Variants in PID1 observed in about 807,000 individuals in gnomAD.
PID1 encodes PTB-containing, cubilin and LRP1-interacting protein.
In PID1, 10 loss-of-function variants were observed where a neutral mutation model predicts 19.1. That is an observed-to-expected ratio of 0.52 (90% CI 0.32 to 0.89). The LOEUF (loss-of-function observed/expected upper bound fraction) is 0.89, where lower values mean the gene tolerates loss of function less well. Among genes scored for constraint, PID1 ranks in the 40% least tolerant of loss-of-function variants. The pLI is 0.03. For synonymous variants in PID1, 130 were observed against 116.0 expected (o/e 1.12, Z -0.78); for missense variants, 248 against 285.3 (o/e 0.87, Z 0.94).
chr2:229,148,628 G>A (rs942977162), intron 2 of PID1, among the ~76,000 whole-genome samples: 6 of 152,134 alleles, frequency 3.9e-5, no homozygotes, highest in African/African-American at 1.2e-4. Flanking sequence ...GTACAATCCT[G>A]ACAGTGTGCA....
chr2:229,245,400 T>C (rs1326564694), intron 1 of PID1, among the ~76,000 whole-genome samples: 8 of 152,148 alleles, frequency 5.3e-5, no homozygotes, highest in African/African-American at 1.9e-4. Context: ...AGGCAACTTG[T>C]ATTGCCTTGC....
intron 1 of PID1, among the ~76,000 whole-genome samples, chr2:229,180,876 C>T (rs1690926756): frequency 6.6e-6 from 1 of 152,210 alleles, no homozygotes; most frequent in Non-Finnish European, 1.5e-5. Context: ...GGCGCTCGCC[C>T]ATCTCTCAGG....
chr2:229,223,933 C>T (rs1283174532), intron 1 of PID1, among the ~76,000 whole-genome samples: 1 of 152,184 alleles, frequency 6.6e-6, no homozygotes, highest in Admixed American at 6.5e-5. Context: ...GATCCCCTTC[C>T]TCCCTCCTGG....
At chr2:229,196,641 T>G (rs1049577778) in intron 1 of PID1, among the ~76,000 whole-genome samples, 1 of 152,076 alleles carries the variant, frequency 6.6e-6, no homozygotes, top group African/African-American at 2.4e-5. Context: ...ATATCGCTTA[T>G]GAAACTGCCT....
chr2:229,118,993 A>T (rs1363543300), intron 2 of PID1, among the ~76,000 whole-genome samples: 1 of 152,232 alleles, frequency 6.6e-6, no homozygotes, highest in African/African-American at 2.4e-5. Context: ...TATTCCTCAA[A>T]TTGCCTTCTA....
At position 229,025,600 on chromosome 2, in the gene PID1, A is replaced by T; in HGVS notation, c.*32T>A. 1 of 1,523,370 alleles carries T rather than the reference A, an allele frequency of 6.6e-7. No individual in the cohort carries two copies. The highest frequency in any genetic ancestry group is 9.1e-7 in the Non-Finnish European group (1 of 1,103,364). 94.4% of individuals were successfully genotyped at this position (1,523,370 alleles called of 1,614,324 possible). A position where few individuals can be genotyped will look rare whatever the true frequency, so the allele number is the denominator to read the frequency against. ...TCTATTCCCTTGAACTCCGTGACCA[A>T]TGCTGCCTTTGCTGAAGCGTCTCAA... On this transcript the variant is annotated 3_prime_UTR_variant, in exon 3 of 3. Coordinates refer to ENST00000392055, the MANE Select transcript of PID1 (RefSeq NM_001100818.2).
At chr2:229,147,475 T>A (rs114891721) in intron 2 of PID1, among the ~76,000 whole-genome samples, 3,855 of 152,140 alleles carry the variant, frequency 0.025, 181 homozygotes, top group African/African-American at 0.089. Flanking sequence ...TTTTAGTATA[T>A]CTGTCCAGCG....
intron 1 of PID1, among the ~76,000 whole-genome samples, chr2:229,268,833 G>A (rs1690662384): frequency 6.6e-6 from 1 of 151,922 alleles, no homozygotes; most frequent in Non-Finnish European, 1.5e-5. Flanking sequence ...AAAAGAAAAG[G>A]AAAAAACCCC....
intron 2 of PID1, among the ~76,000 whole-genome samples, chr2:229,131,397 A>T (rs1689737594): frequency 6.6e-6 from 1 of 151,902 alleles, no homozygotes. Flanking sequence ...CACCTGGCTA[A>T]TTTTTGTATT....
intron 2 of PID1, among the ~76,000 whole-genome samples, chr2:229,111,928 C>A (rs748049273): frequency 3.3e-5 from 5 of 152,004 alleles, no homozygotes; most frequent in Non-Finnish European, 5.9e-5. Flanking sequence ...GGGTTTAGCA[C>A]GAAAAGAGAA....
intron 1 of PID1, among the ~76,000 whole-genome samples, chr2:229,185,824 C>A (rs1052219558): frequency 6.6e-6 from 1 of 152,120 alleles, no homozygotes; most frequent in Non-Finnish European, 1.5e-5. Context: ...CTGGTCCCTC[C>A]CAAATCTCAT....
chr2:229,143,658 T>C (rs1417161402), intron 2 of PID1, among the ~76,000 whole-genome samples: 3 of 152,116 alleles, frequency 2.0e-5, no homozygotes, highest in African/African-American at 4.8e-5. Flanking sequence ...TCATCTTGAA[T>C]TGTAATCACC....
intron 1 of PID1, among the ~76,000 whole-genome samples, chr2:229,205,447 C>A (rs1691590662): frequency 6.6e-6 from 1 of 152,108 alleles, no homozygotes; most frequent in African/African-American, 2.4e-5. Flanking sequence ...TCACATCTTC[C>A]ACAAATTAAA....
intron 1 of PID1, among the ~76,000 whole-genome samples, chr2:229,207,883 T>C (rs191143594): frequency 1.9e-4 from 29 of 151,784 alleles, no homozygotes; most frequent in Admixed American, 1.8e-3. Context: ...GCTCGGTAAA[T>C]GGAAAAAGGC....
At chr2:229,103,649 C>T (rs1246496271) in intron 2 of PID1, among the ~76,000 whole-genome samples, 1 of 140,306 alleles carries the variant, frequency 7.1e-6, no homozygotes, top group African/African-American at 2.7e-5. Flanking sequence ...GTGATCTTGG[C>T]TCACTGCAAC....
chr2:229,138,566 G>A (rs1689904246), intron 2 of PID1, among the ~76,000 whole-genome samples: 1 of 152,022 alleles, frequency 6.6e-6, no homozygotes, highest in African/African-American at 2.4e-5. Flanking sequence ...TATGTATAAG[G>A]ACTCCCTCCT....
At chr2:229,066,226 C>T (rs1234420142) in intron 2 of PID1, among the ~76,000 whole-genome samples, 1 of 152,140 alleles carries the variant, frequency 6.6e-6, no homozygotes, top group Non-Finnish European at 1.5e-5. Flanking sequence ...TAATCTACAC[C>T]AGGCACTGTT....
chr2:229,157,775 T>A (rs1447397907), intron 1 of PID1, among the ~76,000 whole-genome samples: 2 of 152,164 alleles, frequency 1.3e-5, no homozygotes, highest in African/African-American at 4.8e-5. Flanking sequence ...ACAGGAATGA[T>A]CATGGAATCC....
At chr2:229,235,577 A>G (rs950549392) in intron 1 of PID1, among the ~76,000 whole-genome samples, 1 of 152,164 alleles carries the variant, frequency 6.6e-6, no homozygotes, top group East Asian at 1.9e-4. Context: ...TTCTAGAAAC[A>G]CTAAAATTAA....
Sources: allele counts gnomAD v4.1 joint callset (sites outside exome capture counted in the v4.1 genomes callset), GRCh38; gene constraint gnomAD v4.1.1; transcripts MANE v1.5; gene names NCBI Gene and HGNC (gene_info 2026-07-23, HGNC 2026-07-21).